TRPM7: variants seen among roughly 807,000 people sequenced by gnomAD.
TRPM7 encodes the protein transient receptor potential cation channel subfamily M member 7.
A neutral mutation model predicts 229.7 loss-of-function variants in TRPM7; 134 were observed. The observed-to-expected ratio is 0.58, with a 90% CI of 0.51 to 0.67. TRPM7 has a LOEUF of 0.67. Among genes scored for constraint, TRPM7 ranks in the 30% least tolerant of loss-of-function variants. The pLI is 0.00. For synonymous variants in TRPM7, 699 were observed against 715.2 expected (o/e 0.98, Z 0.36); for missense variants, 1,901 against 2,210.0 (o/e 0.86, Z 2.80).
chr15:50,581,052 AAATT>A (rs2054381947), intron 29 of TRPM7, 144 bp from the exon 30 acceptor site: 1 of 647,680 alleles, frequency 1.5e-6, no homozygotes, highest in Non-Finnish European at 2.5e-6. Context: ...ATAAAACAAT[AAATT>A]TATTTATTAT....
chr15:50,611,084 A>G lies in TRPM7; in HGVS notation c.2280+9T>C, dbSNP rs755645627. 4 of 1,586,710 alleles carry G rather than the reference A, an allele frequency of 2.5e-6. No individual in the cohort carries two copies. The South Asian group carries it at 4.4e-5, about 18-fold the overall frequency. ...ACATGCTTTATATCAAATTATTTCT[A>G]AAGTATACCTTGTACCAGGAATTTT... On this transcript the variant is annotated intron_variant, in intron 17 of 38. Transcript: ENST00000646667.
At chr15:50,681,469 T>C (rs544504877) in intron 1 of TRPM7, among the ~76,000 whole-genome samples, 1 of 152,310 alleles carries the variant, frequency 6.6e-6, no homozygotes, top group East Asian at 1.9e-4. Context: ...TAGCCCTATC[T>C]TTCTAGTCTA....
At chr15:50,669,706 T>C (rs2061949598) in intron 1 of TRPM7, among the ~76,000 whole-genome samples, 1 of 152,128 alleles carries the variant, frequency 6.6e-6, no homozygotes, top group South Asian at 2.1e-4. Context: ...CATCAGTTGT[T>C]TGAGTTTTTT....
intron 1 of TRPM7, among the ~76,000 whole-genome samples, chr15:50,672,352 G>A (rs947217001): frequency 1.3e-5 from 2 of 151,686 alleles, no homozygotes; most frequent in African/African-American, 2.4e-5. Context: ...CACCTCGCCC[G>A]GCCACTCCTA....
At chr15:50,620,133 T>C (rs1037023715) in intron 12 of TRPM7, among the ~76,000 whole-genome samples, 1 of 152,198 alleles carries the variant, frequency 6.6e-6, no homozygotes, top group Non-Finnish European at 1.5e-5. Flanking sequence ...TTCCTCTGTT[T>C]CTGTCACTAA....
chr15:50,616,271 G>A (rs1048106792), intron 13 of TRPM7, among the ~76,000 whole-genome samples: 1 of 152,002 alleles, frequency 6.6e-6, no homozygotes, highest in Non-Finnish European at 1.5e-5. Context: ...TGTATTTAAA[G>A]ATTTATCACT....
intron 21 of TRPM7, 98 bp from the exon 22 acceptor site, chr15:50,599,394 A>G: frequency 1.3e-6 from 1 of 768,664 alleles, no homozygotes; most frequent in Non-Finnish European, 2.0e-6. Flanking sequence ...AAAAAAATCC[A>G]TTAAACACAA....
intron 5 of TRPM7, among the ~76,000 whole-genome samples, chr15:50,642,108 T>C (rs2061120126): frequency 6.6e-6 from 1 of 152,174 alleles, no homozygotes; most frequent in East Asian, 1.9e-4. Context: ...TCAACCTGTA[T>C]ATGTGATAGG....
intron 21 of TRPM7, among the ~76,000 whole-genome samples, chr15:50,603,232 C>T (rs2059826454): frequency 1.3e-5 from 2 of 152,100 alleles, no homozygotes; most frequent in Admixed American, 1.3e-4. Flanking sequence ...TTTAGAAAAC[C>T]TAAAAATCTT....
chr15:50,659,674 TC>T (rs1391889451), intron 2 of TRPM7, among the ~76,000 whole-genome samples: 1 of 128,446 alleles, frequency 7.8e-6, no homozygotes, highest in Non-Finnish European at 1.8e-5. Context: ...ATCTATTTTT[TC>T]TTTTTTTTTT....
intron 4 of TRPM7, among the ~76,000 whole-genome samples, chr15:50,644,597 G>A (rs371674334): frequency 2.8e-4 from 42 of 152,212 alleles, no homozygotes; most frequent in South Asian, 6.2e-4. Flanking sequence ...GAGGTCAAGC[G>A]TTCGAGGCCA....
chr15:50,611,519 T>C (rs1323538861), intron 16 of TRPM7, among the ~76,000 whole-genome samples, 198 bp from the exon 17 acceptor site: 1 of 152,180 alleles, frequency 6.6e-6, no homozygotes, highest in Non-Finnish European at 1.5e-5. Context: ...TATGTCGCAT[T>C]ATGTACAAGA....
In TRPM7 at chr15:50,612,622, G is replaced by A. The variant is rs751316537; in HGVS notation, c.1978C>T (p.Arg660Cys). ...TGCTTTGCTTCATATGCCATTGAAC[G>A]ATAGATCTTACAGGCAACTAATGCT... ...AKALVACKIY[R>C]SMAYEAKQSD... The change falls in exon 16 of 39, where the codon CGT becomes TGT. Residue 660 changes from arginine to cysteine, a missense_variant. Transcript: ENST00000646667. The A allele has an allele frequency of 1.2e-6, 2 of 1,614,068 alleles. No homozygotes were observed. The highest frequency in any genetic ancestry group is 2.2e-5 in the South Asian group (2 of 91,082).
At chr15:50,656,651 TTTTG>T (rs2061582530) in intron 3 of TRPM7, among the ~76,000 whole-genome samples, 1 of 152,096 alleles carries the variant, frequency 6.6e-6, no homozygotes, top group African/African-American at 2.4e-5. Context: ...GGTTTTTTGT[TTTTG>T]TTTTTACAGA....
chr15:50,593,136 A>G (rs989291012), intron 25 of TRPM7, among the ~76,000 whole-genome samples: 4 of 152,034 alleles, frequency 2.6e-5, no homozygotes, highest in African/African-American at 4.8e-5. Flanking sequence ...TAAAAATATA[A>G]AAATCAGCTG....
intron 1 of TRPM7, among the ~76,000 whole-genome samples, chr15:50,681,326 C>T (rs574365528): frequency 1.3e-4 from 20 of 150,492 alleles, no homozygotes; most frequent in Middle Eastern, 3.4e-3. Context: ...AGCTAAATGC[C>T]GACACATTAG....
Position 50,619,622 on chromosome 15 carries a change from TC to T in TRPM7, c.1494+122del, listed in dbSNP as rs1212796051. The T allele has an allele frequency of 7.0e-5, 58 of 823,166 alleles. 1 individual carries two copies. In the South Asian group the frequency reaches 8.3e-4, roughly 12 times the overall value. 51.0% of individuals were successfully genotyped at this position (823,166 alleles called of 1,614,324 possible). A position where few individuals can be genotyped will look rare whatever the true frequency, so the allele number is the denominator to read the frequency against. On this transcript the variant is annotated intron_variant, in intron 13 of 38. Coordinates refer to ENST00000646667, the MANE Select transcript of TRPM7 (RefSeq NM_017672.6). Reference sequence around the variant, plus strand: ...AAATTCAGCCCATATTTTATCTTGTTCTGTAAACTGTAATTTTATTGGTATT... The same window carrying T: ...AAATTCAGCCCATATTTTATCTTGTTTGTAAACTGTAATTTTATTGGTATT...
At chr15:50,634,648 T>C in intron 7 of TRPM7, 92 bp from the exon 8 acceptor site, 1 of 938,134 alleles carries the variant, frequency 1.1e-6, no homozygotes, top group South Asian at 3.9e-5. Flanking sequence ...AGTACTCTAA[T>C]TTTAGATTTT....
intron 5 of TRPM7, among the ~76,000 whole-genome samples, chr15:50,639,950 C>A (rs564771807): frequency 6.6e-6 from 1 of 152,104 alleles, no homozygotes; most frequent in Non-Finnish European, 1.5e-5. Flanking sequence ...GCCAAACCTA[C>A]AGAAGAATAC....
Sources: gnomAD v4.1 joint callset for allele counts (sites outside exome capture counted in the v4.1 genomes callset) on GRCh38, gnomAD v4.1.1 for gene constraint, MANE v1.5 for transcripts, NCBI Gene and HGNC (gene_info 2026-07-23, HGNC 2026-07-21) for gene names.